Variants in ABCG8 observed in about 807,000 individuals in gnomAD.
ABCG8 encodes the protein ATP-binding cassette sub-family G member 8.
ABCG8 carries 81 observed loss-of-function variants against 71.3 expected under a neutral mutation model. That is an observed-to-expected ratio of 1.14 (90% CI 0.95 to 1.37). The LOEUF (loss-of-function observed/expected upper bound fraction) is 1.37. ABCG8 is among the 40% of genes most tolerant of loss of function. The probability of loss-of-function intolerance (pLI) is 0.00; values close to 1 mark genes in which losing one functional copy is unlikely to be tolerated. For missense variants in ABCG8, 1,119 were observed against 866.2 expected (o/e 1.29, Z -3.66); for synonymous variants, 451 against 354.7 (o/e 1.27, Z -3.05).
Position 43,852,666 on chromosome 2 carries a change from C to T in ABCG8, c.762C>T (p.Thr254=), listed in dbSNP as rs148006993. ...TCACAGCCCACAACCTGGTGAAGAC[C>T]TTGTCCAGGCTGGCCAAAGGCAACC... ...DSFTAHNLVK[T]LSRLAKGNRL... is the part of the protein sequence containing the mutation. Residue 254 remains threonine (T), a synonymous_variant, in exon 6 of 13, where the codon ACC becomes ACT. Transcript: ENST00000272286. 1.9e-5 allele frequency: 30 copies of T among 1,614,072 alleles called. No individual in the cohort carries two copies. The African/African-American group carries it at 3.6e-4, about 19-fold the overall frequency.
chr2:43,868,140 A>T (rs1669600326), intron 6 of ABCG8, among the ~76,000 whole-genome samples: 1 of 149,594 alleles, frequency 6.7e-6, no homozygotes, highest in African/African-American at 2.5e-5. Flanking sequence ...TATGGATAGA[A>T]CTCTCAGTAT....
At chr2:43,843,271 T>A (rs1389649404) in intron 1 of ABCG8, among the ~76,000 whole-genome samples, 1 of 152,096 alleles carries the variant, frequency 6.6e-6, no homozygotes, top group African/African-American at 2.4e-5. Flanking sequence ...GTTTGTTGGG[T>A]GCATGGTTGA....
chr2:43,850,532 T>C (rs1396083634), intron 3 of ABCG8, among the ~76,000 whole-genome samples: 1 of 152,224 alleles, frequency 6.6e-6, no homozygotes, highest in African/African-American at 2.4e-5. Flanking sequence ...GGGGTTTTGT[T>C]GTACAGATTA....
Position 43,882,653 on chromosome 2 carries a change from G to A in ABCG8, c.*4740G>A, listed in dbSNP as rs563529696. ...CTTCATTTAAAGTGGCCTGGGTACA[G>A]AGCAACATCCCCTGTCTTTATCACA... On this transcript the variant is annotated 3_prime_UTR_variant, in exon 13 of 13. Coordinates refer to ENST00000272286, the MANE Select transcript of ABCG8 (RefSeq NM_022437.3). 6.6e-6 allele frequency: 1 copy of A among 152,250 alleles called. No individual in the cohort carries two copies. The highest frequency in any genetic ancestry group is 2.4e-5 in the African/African-American group (1 of 41,458). The allele number at this position is 152,250 out of a possible 1,614,324, so 9.4% of individuals were successfully genotyped here.
chr2:43,866,971 A>G (rs1669551141), intron 6 of ABCG8, among the ~76,000 whole-genome samples: 1 of 151,636 alleles, frequency 6.6e-6, no homozygotes, highest in Admixed American at 6.6e-5. Flanking sequence ...GATAGACTGG[A>G]TTAAGAAAAT....
At position 43,846,263 on chromosome 2, in the gene ABCG8, A is replaced by T; in HGVS notation, c.274A>T (p.Ser92Cys). ...NSCELGIQNL[S>C]FKVRSGQMLA... ...TTGTGAGCTGGGCATCCAGAACCTA[A>T]GCTTCAAAGTGAGAAGTGGGCAGAT... The change falls in exon 3 of 13, where the codon AGC (serine) becomes TGC (cysteine). Residue 92 changes from serine (S) to cysteine (C), a missense_variant. Coordinates refer to ENST00000272286, the MANE Select transcript of ABCG8 (RefSeq NM_022437.3). 2 of 1,614,200 alleles carry T rather than the reference A, an allele frequency of 1.2e-6. No homozygotes were observed. The highest frequency in any genetic ancestry group is 1.7e-6 in the Non-Finnish European group (2 of 1,180,030).
chr2:43,856,128 C>A (rs1360546546), intron 6 of ABCG8, among the ~76,000 whole-genome samples: 1 of 151,854 alleles, frequency 6.6e-6, no homozygotes, highest in Non-Finnish European at 1.5e-5. Flanking sequence ...CTGGGTAGAA[C>A]TCCCACTATG....
At chr2:43,850,888 C>T (rs1668891961) in intron 3 of ABCG8, among the ~76,000 whole-genome samples, 1 of 138,308 alleles carries the variant, frequency 7.2e-6, no homozygotes, top group Non-Finnish European at 1.5e-5. Flanking sequence ...CCAGCCTGGG[C>T]AGCAGAGTGG....
At chr2:43,839,331 T>G (rs1404554957) in intron 1 of ABCG8, among the ~76,000 whole-genome samples, 1 of 151,258 alleles carries the variant, frequency 6.6e-6, no homozygotes, top group Non-Finnish European at 1.5e-5. Context: ...CCCTAAGAAA[T>G]GCTCTTTTAG....
Position 43,873,830 on chromosome 2 carries a change from A to T in ABCG8, c.1255A>T (p.Ile419Phe). The T allele has an allele frequency of 6.2e-7, 1 of 1,613,722 alleles. No homozygotes were observed. The highest frequency in any genetic ancestry group is 1.3e-5 in the African/African-American group (1 of 74,864). The change falls in exon 9 of 13, where the codon ATC (isoleucine) becomes TTC (phenylalanine). Residue 419 changes from isoleucine (I) to phenylalanine (F), a missense_variant. Coordinates refer to ENST00000272286, the MANE Select transcript of ABCG8 (RefSeq NM_022437.3). ...CTTCCGAGACCTGCCCACCCTCCTC[A>T]TCCATGGGGCGGAGGCCTGTCTGAT... is the stretch of plus-strand genomic sequence containing the variant. ...NDFRDLPTLL[I>F]HGAEACLMSM...
At chr2:43,871,648 G>A (rs900760020) in intron 6 of ABCG8, among the ~76,000 whole-genome samples, 1 of 152,232 alleles carries the variant, frequency 6.6e-6, no homozygotes, top group Non-Finnish European at 1.5e-5. Flanking sequence ...TGGCTCTGAA[G>A]GCTCTTGCTC....
chr2:43,875,109 G>A (rs780784430), intron 10 of ABCG8, 37 bp from the exon 11 acceptor site: 2 of 1,613,982 alleles, frequency 1.2e-6, no homozygotes, highest in Non-Finnish European at 1.7e-6. Flanking sequence ...CAGTGAAGGT[G>A]CTGGCTTCAT....
At chr2:43,855,908 A>G (rs1214242619) in intron 6 of ABCG8, among the ~76,000 whole-genome samples, 2 of 151,666 alleles carry the variant, frequency 1.3e-5, no homozygotes, top group African/African-American at 2.4e-5. Context: ...AATTCTCACC[A>G]TGTGTATTGA....
intron 6 of ABCG8, among the ~76,000 whole-genome samples, chr2:43,864,313 A>C (rs1669443021): frequency 6.6e-6 from 1 of 151,454 alleles, no homozygotes; most frequent in South Asian, 2.1e-4. Context: ...TAGAATTCTC[A>C]CTATCTGTCT....
At chr2:43,846,055 T>C in intron 2 of ABCG8, 100 bp from the exon 3 acceptor site, 4 of 1,305,904 alleles carry the variant, frequency 3.1e-6, no homozygotes, top group Non-Finnish European at 4.4e-6. Context: ...ATATCCTCTG[T>C]GGAGAGGGGC....
intron 8 of ABCG8, among the ~76,000 whole-genome samples, chr2:43,873,171 A>G (rs1456093122): frequency 1.3e-5 from 2 of 151,370 alleles, no homozygotes; most frequent in African/African-American, 4.9e-5. Context: ...ATGAGGCAGC[A>G]GACATCATTG....
chr2:43,842,473 G>A (rs1440691036), intron 1 of ABCG8, among the ~76,000 whole-genome samples: 1 of 152,090 alleles, frequency 6.6e-6, no homozygotes, highest in African/African-American at 2.4e-5. Flanking sequence ...ATCTCCTCAG[G>A]AGCTTGGGGC....
chr2:43,878,132 T>C lies in ABCG8; in HGVS notation c.*219T>C. The C allele has an allele frequency of 1.5e-6, 1 of 652,484 alleles. No homozygotes were observed. The highest frequency in any genetic ancestry group is 2.6e-6 in the Non-Finnish European group (1 of 380,808). 40.4% of individuals were successfully genotyped at this position (652,484 alleles called of 1,614,324 possible). A position where few individuals can be genotyped will look rare whatever the true frequency, so the allele number is the denominator to read the frequency against. On this transcript the variant is annotated 3_prime_UTR_variant, in exon 13 of 13. Transcript: ENST00000272286. ...TCTGCTCACTGGCAGGAGACTGCGA[T>C]GACTGGGAGAAAACCTGCACTCGGT... is the stretch of plus-strand genomic sequence containing the variant.
Position 43,844,517 on chromosome 2 carries a change from A to G in ABCG8, c.74A>G (p.Asp25Gly). ...TCCTGTCTCCCACAGGGCCTCCAGG[A>G]TAGATTGTTCTCCTCTGAAAGTGAC... ...ATPQDTSGLQ[D>G]RLFSSESDNS... Residue 25 changes from aspartate (D) to glycine (G), a missense_variant, in exon 2 of 13, where the codon GAT (aspartate) becomes GGT (glycine). Coordinates refer to ENST00000272286, the MANE Select transcript of ABCG8 (RefSeq NM_022437.3). 1 of 1,613,954 alleles carries G rather than the reference A, an allele frequency of 6.2e-7. No homozygotes were observed. The highest frequency in any genetic ancestry group is 1.1e-5 in the South Asian group (1 of 91,058).
Sources: allele counts gnomAD v4.1 joint callset (sites outside exome capture counted in the v4.1 genomes callset), GRCh38; gene constraint gnomAD v4.1.1; transcripts MANE v1.5; gene names NCBI Gene and HGNC (gene_info 2026-07-23, HGNC 2026-07-21).